The following SGK1 variants were observed in gnomAD, a reference collection of about 807,000 sequenced individuals.
The protein encoded by SGK1 is serum/glucocorticoid regulated kinase 1, also known as serine/threonine-protein kinase Sgk1.
SGK1 carries 26 observed loss-of-function variants against 64.2 expected under a neutral mutation model. The observed-to-expected ratio is 0.40, with a 90% confidence interval of 0.30 to 0.56. The LOEUF is 0.56. Ranked by LOEUF, SGK1 falls within the 20% of genes least tolerant of loss-of-function variation. The pLI is 0.38. For missense variants in SGK1, 519 were observed against 645.6 expected (o/e 0.80, Z 2.12); for synonymous variants, 265 against 239.7 (o/e 1.11, Z -0.98).
intron 2 of SGK1, among the ~76,000 whole-genome samples, chr6:134,226,677 G>T (rs757162909): frequency 4.6e-5 from 7 of 150,796 alleles, no homozygotes; most frequent in Non-Finnish European, 8.9e-5. Flanking sequence ...CTGGGTGACA[G>T]AGTGAGACCC....
chr6:134,268,944 T>TG (rs1331907272), intron 1 of SGK1, among the ~76,000 whole-genome samples: 1 of 123,348 alleles, frequency 8.1e-6, no homozygotes, highest in Non-Finnish European at 1.6e-5. Flanking sequence ...TGTCTTTACT[T>TG]GGAAAAAAAA....
Position 134,262,065 on chromosome 6 carries a change from C to T in SGK1, c.153G>A (p.Val51=). The T allele has an allele frequency of 3.7e-6, 6 of 1,613,874 alleles. No homozygotes were observed. In the South Asian group the frequency reaches 5.5e-5, roughly 15 times the overall value. Residue 51 remains valine (V), a synonymous_variant, in exon 2 of 14, where the codon GTG becomes GTA. Coordinates refer to ENST00000367858, the MANE Select transcript of SGK1 (RefSeq NM_001143676.3). ...PSLKYTGSSM[V]HIPPGEPDFE... is the part of the protein sequence containing the mutation. ...AGTCTGGCTCCCCTGGAGGGATGTG[C>T]ACCATGGAGGAGCCGGTGTACTTCA...
At chr6:134,304,033 C>T (rs1024348009) in intron 1 of SGK1, among the ~76,000 whole-genome samples, 3 of 152,080 alleles carry the variant, frequency 2.0e-5, no homozygotes, top group Non-Finnish European at 2.9e-5. Context: ...TGTTAGAAGC[C>T]GGCAGCCATC....
intron 3 of SGK1, among the ~76,000 whole-genome samples, chr6:134,188,716 T>A (rs1775460385): frequency 6.6e-6 from 1 of 151,798 alleles, no homozygotes; most frequent in Non-Finnish European, 1.5e-5. Flanking sequence ...CACAGTAGAT[T>A]TCAGAGCCAC....
intron 2 of SGK1, among the ~76,000 whole-genome samples, chr6:134,249,048 A>T (rs1217550253): frequency 6.6e-6 from 1 of 152,144 alleles, no homozygotes. Flanking sequence ...CTGAGTTAAT[A>T]TTATGCTTTC....
In SGK1 at chr6:134,170,209, G is replaced by T; in HGVS notation, c.*59C>A. The T allele has an allele frequency of 6.9e-7, 1 of 1,458,612 alleles. No homozygotes were observed. The allele number at this position is 1,458,612 out of a possible 1,614,324, so 90.4% of individuals were successfully genotyped here. On this transcript the variant is annotated 3_prime_UTR_variant, in exon 14 of 14. Transcript: ENST00000367858. ...TGTCAGCTGGCGGCTCCACCAAAAG[G>T]CTAACTAAAACATTCGGAAACACAC...
chr6:134,255,106 T>C (rs1776661303), intron 2 of SGK1, among the ~76,000 whole-genome samples: 2 of 152,134 alleles, frequency 1.3e-5, no homozygotes, highest in African/African-American at 4.8e-5. Context: ...TGACCTTAGG[T>C]GATCCACCTG....
At chr6:134,200,276 C>T (rs1394159328) in intron 3 of SGK1, among the ~76,000 whole-genome samples, 1 of 152,160 alleles carries the variant, frequency 6.6e-6, no homozygotes. Flanking sequence ...GACGGGTGAT[C>T]AATTTTCTTC....
At chr6:134,196,729 T>C (rs978368890) in intron 3 of SGK1, among the ~76,000 whole-genome samples, 3 of 152,134 alleles carry the variant, frequency 2.0e-5, no homozygotes, top group Admixed American at 2.0e-4. Context: ...GATAGAGAAA[T>C]TGATTTTTAA....
At chr6:134,279,441 A>C (rs1194301521) in intron 1 of SGK1, among the ~76,000 whole-genome samples, 4 of 151,870 alleles carry the variant, frequency 2.6e-5, no homozygotes, top group African/African-American at 9.7e-5. Context: ...AAAATAAATA[A>C]ATAAATAAAT....
At chr6:134,298,379 C>T (rs1419770907) in intron 1 of SGK1, 5 of 1,442,306 alleles carry the variant, frequency 3.5e-6, no homozygotes, top group African/African-American at 2.8e-5. Context: ...CGTACCTTGC[C>T]TATGAAGGAG....
At chr6:134,243,371 T>C (rs1330145148) in intron 2 of SGK1, among the ~76,000 whole-genome samples, 1 of 152,076 alleles carries the variant, frequency 6.6e-6, no homozygotes, top group African/African-American at 2.4e-5. Context: ...ATCTATTTAT[T>C]TATTATTATT....
intron 1 of SGK1, among the ~76,000 whole-genome samples, chr6:134,281,447 A>G (rs568952893): frequency 6.6e-6 from 1 of 152,228 alleles, no homozygotes; most frequent in South Asian, 2.1e-4. Flanking sequence ...AGAAAAATAC[A>G]TATATGAGTT....
chr6:134,301,531 T>TTCTTCTCTTCTCTTCTCTTCTCTTC lies in SGK1; in HGVS notation c.69+15836_69+15860dup, dbSNP rs56681881. 3.5e-4 allele frequency among the ~76,000 whole-genome samples: 48 copies of TTCTTCTCTTCTCTTCTCTTCTCTTC among 139,124 alleles called. 1 individual carries two copies. The highest frequency in any genetic ancestry group is 1.1e-3 in the African/African-American group (42 of 39,008). The allele number at this position is 139,124 out of a possible 152,430, so 91.3% of individuals were successfully genotyped here. On this transcript the variant is annotated intron_variant, in intron 1 of 13. Transcript: ENST00000367858. ...CTTTTCTTCTCTTCTCTTTTCTCTT[T>TTCTTCTCTTCTCTTCTCTTCTCTTC]TCTTCTCTTCTCTTCTCTTCTCTTC...
chr6:134,248,540 C>T (rs1464905880), intron 2 of SGK1, among the ~76,000 whole-genome samples: 1 of 150,958 alleles, frequency 6.6e-6, no homozygotes, highest in African/African-American at 2.4e-5. Context: ...CAACCTGGGC[C>T]TCCTGGGTTC....
intron 2 of SGK1, among the ~76,000 whole-genome samples, chr6:134,228,841 CTTT>C (rs754300980): frequency 7.7e-6 from 1 of 129,952 alleles, no homozygotes. Context: ...TGTAGTTGTT[CTTT>C]TTTTTTTTTT....
At position 134,170,369 on chromosome 6, in the gene SGK1, C is replaced by T. The variant is rs2114626498; in HGVS notation, c.1480G>A (p.Gly494Ser). Reference protein sequence around the residue: ...FTEEPVPNSIGKSPDSVLVTA... With the variant: ...FTEEPVPNSISKSPDSVLVTA... ...ACGAGGACGCTGTCAGGGGACTTGC[C>T]AATGGAGTTGGGGACAGGCTCTTCG... Residue 494 changes from glycine to serine, a missense_variant, in exon 14 of 14, where the codon GGC becomes AGC. This residue lies in a region of SGK1 where 278 missense variants were observed against 408.7 expected (regional missense o/e 0.68). Transcript: ENST00000367858. 2 of 1,614,052 alleles carry T rather than the reference C, an allele frequency of 1.2e-6. No homozygotes were observed. The highest frequency in any genetic ancestry group is 1.7e-6 in the Non-Finnish European group (2 of 1,179,972).
chr6:134,309,634 T>C (rs892612357), intron 1 of SGK1, among the ~76,000 whole-genome samples: 1 of 152,202 alleles, frequency 6.6e-6, no homozygotes, highest in Admixed American at 6.5e-5. Flanking sequence ...ATCCCTTCAG[T>C]TAAAGCTCTT....
intron 1 of SGK1, chr6:134,298,565 G>A: frequency 1.2e-6 from 1 of 856,968 alleles, no homozygotes; most frequent in Non-Finnish European, 2.0e-6. Context: ...CCTGGAAGCT[G>A]CTGCTGCCCA....
Sources: gnomAD v4.1 joint callset for allele counts (sites outside exome capture counted in the v4.1 genomes callset) on GRCh38, gnomAD v4.1.1 for gene constraint, gnomAD v4.1.1 regional missense constraint, MANE v1.5 for transcripts, NCBI Gene and HGNC (gene_info 2026-07-23, HGNC 2026-07-21) for gene names.